The following NEK10 variants were observed in gnomAD, a reference collection of about 807,000 sequenced individuals.
NEK10 encodes serine/threonine-protein kinase Nek10.
A neutral mutation model predicts 159.8 loss-of-function variants in NEK10; 122 were observed. The ratio of observed to expected loss-of-function variants is 0.76; its 90% confidence interval spans 0.66 to 0.89. The LOEUF is 0.89. Among genes scored for constraint, NEK10 ranks in the 40% least tolerant of loss-of-function variants. The pLI, the probability that NEK10 is intolerant of heterozygous loss-of-function variation, is 0.00. For missense variants in NEK10, 1,342 were observed against 1,323.1 expected (o/e 1.01, Z -0.22); for synonymous variants, 466 against 457.1 (o/e 1.02, Z -0.25).
chr3:27,300,795 C>T (rs1296253781), intron 13 of NEK10, among the ~76,000 whole-genome samples: 1 of 152,120 alleles, frequency 6.6e-6, no homozygotes, highest in Non-Finnish European at 1.5e-5. Context: ...AACAGTAAAC[C>T]CCCAGCACAA....
rs1348713842 is a variant in NEK10, at chr3:27,251,388, C to T, written c.2090+4908G>A. Among the ~76,000 whole-genome samples, 4 of 152,328 alleles carry T rather than the reference C, an allele frequency of 2.6e-5. No homozygotes were observed. In the South Asian group the frequency reaches 8.3e-4, roughly 32 times the overall value. On this transcript the variant is annotated intron_variant, in intron 23 of 35. Transcript: ENST00000691995. ...ATGACTGGATCATGGGGGTGGATTT[C>T]TCATGAATGGTTTAGTACCATCCCT...
intron 19 of NEK10, among the ~76,000 whole-genome samples, 175 bp from the exon 20 acceptor site, chr3:27,287,918 T>TG (rs2042731716): frequency 6.6e-6 from 1 of 152,196 alleles, no homozygotes; most frequent in African/African-American, 2.4e-5. Flanking sequence ...AAAAACTTGT[T>TG]GCTTATAAAC....
chr3:27,232,766 A>C (rs1053652223), intron 23 of NEK10, among the ~76,000 whole-genome samples: 1 of 152,118 alleles, frequency 6.6e-6, no homozygotes, highest in Non-Finnish European at 1.5e-5. Context: ...AAAGACTTAC[A>C]GCCAACTGAT....
chr3:27,281,585 G>A (rs569168664), intron 22 of NEK10, among the ~76,000 whole-genome samples: 1 of 151,620 alleles, frequency 6.6e-6, no homozygotes, highest in Non-Finnish European at 1.5e-5. Flanking sequence ...TCCAATAAGA[G>A]GGTCCCATAA....
rs1469800344 is a variant in NEK10 at position 27,295,616 on chromosome 3, T to C, written c.1305A>G (p.Leu435=). 1.3e-6 allele frequency: 2 copies of C among 1,561,400 alleles called. No homozygotes were observed. Among genetic ancestry groups the C allele is most frequent in the Non-Finnish European group, 1.7e-6 (2 of 1,150,290 alleles). ...GGACAAGAGACATGTTTATTACCTG[T>C]AATAGATTACTTTTTGCTGCATTCT... is the stretch of plus-strand genomic sequence containing the variant. The part of the protein sequence containing the change: ...KQKNAAKSNL[L]QCYAFRALRF... Residue 435 remains leucine, a synonymous_variant, in exon 15 of 36, where the codon TTA becomes TTG. Transcript: ENST00000691995.
chr3:27,205,577 T>G (rs970332804), intron 23 of NEK10, among the ~76,000 whole-genome samples: 3 of 133,312 alleles, frequency 2.3e-5, no homozygotes, highest in Non-Finnish European at 4.7e-5. Flanking sequence ...ATCTGATCTT[T>G]GACAAACCTG....
At position 27,233,772 on chromosome 3, in the gene NEK10, G is replaced by A. The variant is rs553447813; in HGVS notation, c.2090+22524C>T. On this transcript the variant is annotated intron_variant, in intron 23 of 35. Coordinates refer to ENST00000691995, the MANE Select transcript of NEK10 (RefSeq NM_001394966.1). Reference sequence around the variant, plus strand: ...AACTCTTCCCTAACCCATTCTATGAGGCCAGCAACATCCTGATACTAAAAC... The same window carrying A: ...AACTCTTCCCTAACCCATTCTATGAAGCCAGCAACATCCTGATACTAAAAC... Among the ~76,000 whole-genome samples the A allele has an allele frequency of 2.3e-3, 353 of 151,970 alleles. 2 individuals carry two copies. The highest frequency in any genetic ancestry group is 4.3e-3 in the Non-Finnish European group (292 of 67,968).
chr3:27,331,262 A>AAAAAAAAAAAAAAAAAACAAAAAAAC, intron 5 of NEK10, among the ~76,000 whole-genome samples: 2 of 110,080 alleles, frequency 1.8e-5, no homozygotes, highest in Non-Finnish European at 3.9e-5. Flanking sequence ...AAAAAAAAAA[A>AAAAAAAAAAAAAAAAAACAAAAAAAC]ACACACAAAC....
At chr3:27,294,168 A>G (rs1387660851) in intron 15 of NEK10, among the ~76,000 whole-genome samples, 1 of 152,218 alleles carries the variant, frequency 6.6e-6, no homozygotes, top group Non-Finnish European at 1.5e-5. Flanking sequence ...AACAATCTAC[A>G]CTAACTCCCT....
intron 20 of NEK10, among the ~76,000 whole-genome samples, chr3:27,286,962 A>C (rs892205299): frequency 1.3e-5 from 2 of 152,054 alleles, no homozygotes; most frequent in African/African-American, 4.8e-5. Flanking sequence ...TACACACACA[A>C]AAGGTTTTCT....
At chr3:27,355,791 A>G (rs1484157155) in intron 1 of NEK10, among the ~76,000 whole-genome samples, 9 of 152,034 alleles carry the variant, frequency 5.9e-5, no homozygotes, top group Admixed American at 5.9e-4. Context: ...GCTTCCAACC[A>G]TGACTTTCAC....
chr3:27,207,882 T>C (rs891292713), intron 23 of NEK10, among the ~76,000 whole-genome samples: 1 of 152,180 alleles, frequency 6.6e-6, no homozygotes, highest in South Asian at 2.1e-4. Flanking sequence ...GAGGATAAAA[T>C]TCTGACCTGA....
chr3:27,189,628 A>T (rs1948941666), intron 26 of NEK10, among the ~76,000 whole-genome samples: 3 of 152,264 alleles, frequency 2.0e-5, no homozygotes, highest in Admixed American at 2.0e-4. Flanking sequence ...AATGGTGTAG[A>T]TGTAAGTTTT....
At chr3:27,198,096 G>T (rs1414352283) in intron 25 of NEK10, among the ~76,000 whole-genome samples, 4 of 151,978 alleles carry the variant, frequency 2.6e-5, no homozygotes, top group African/African-American at 9.7e-5. Flanking sequence ...TTTACAGAGA[G>T]AACTAGAAAA....
intron 5 of NEK10, among the ~76,000 whole-genome samples, chr3:27,332,152 G>A (rs1339244710): frequency 1.3e-5 from 2 of 152,036 alleles, no homozygotes; most frequent in East Asian, 1.9e-4. Context: ...AAGAGCAGGA[G>A]GAAAGATTGA....
intron 32 of NEK10, among the ~76,000 whole-genome samples, chr3:27,130,144 G>A (rs924332513): frequency 6.6e-6 from 1 of 151,990 alleles, no homozygotes; most frequent in Non-Finnish European, 1.5e-5. Flanking sequence ...CTACCTAAAG[G>A]TCCATACAAG....
intron 22 of NEK10, among the ~76,000 whole-genome samples, chr3:27,261,311 T>C: frequency 6.6e-6 from 1 of 152,234 alleles, no homozygotes. Context: ...TTAATTGTGA[T>C]GTTAGGATGT....
In NEK10 at chr3:27,332,377, T is replaced by C. The variant is rs115651580; in HGVS notation, c.363-10116A>G. On this transcript the variant is annotated intron_variant, in intron 5 of 35. Coordinates refer to ENST00000691995, the MANE Select transcript of NEK10 (RefSeq NM_001394966.1). ...TTTTGCAAGAAAAAGAGGTTTATTT[T>C]TGTGAATATATTGGAAGGATTCATT... Among the ~76,000 whole-genome samples the C allele has an allele frequency of 2.1e-3, 321 of 152,346 alleles. 1 individual carries two copies. The highest frequency in any genetic ancestry group is 7.3e-3 in the African/African-American group (304 of 41,582).
intron 13 of NEK10, among the ~76,000 whole-genome samples, chr3:27,300,068 G>A (rs116208885): frequency 0.016 from 2,448 of 152,198 alleles, 71 homozygotes; most frequent in African/African-American, 0.055. Context: ...GAGGACATAC[G>A]ATTTGGGAGG....
Sources: allele counts gnomAD v4.1 joint callset (sites outside exome capture counted in the v4.1 genomes callset), GRCh38; gene constraint gnomAD v4.1.1; transcripts MANE v1.5; gene names NCBI Gene and HGNC (gene_info 2026-07-23, HGNC 2026-07-21).